The following ROBO2 variants were observed in gnomAD, a reference collection of about 807,000 sequenced individuals.
ROBO2 encodes roundabout guidance receptor 2.
ROBO2 carries 53 observed loss-of-function variants against 160.8 expected under a neutral mutation model. The ratio of observed to expected loss-of-function variants is 0.33; its 90% CI spans 0.26 to 0.41. The LOEUF is 0.41. Among genes scored for constraint, ROBO2 ranks in the 10% least tolerant of loss-of-function variants. The probability of loss-of-function intolerance (pLI) is 1.00; values close to 1 mark genes in which losing one functional copy is unlikely to be tolerated. For synonymous variants in ROBO2, 664 were observed against 611.7 expected (o/e 1.09, Z -1.26); for missense variants, 1,577 against 1,722.4 (o/e 0.92, Z 1.49).
intron 2 of ROBO2, among the ~76,000 whole-genome samples, chr3:76,121,751 G>T (rs970634451): frequency 6.6e-6 from 1 of 152,000 alleles, no homozygotes; most frequent in African/African-American, 2.4e-5. Context: ...GCCATACTTC[G>T]CTCTGTGATG....
chr3:76,447,218 A>G (rs1316733164), intron 2 of ROBO2, among the ~76,000 whole-genome samples: 2 of 152,230 alleles, frequency 1.3e-5, no homozygotes, highest in African/African-American at 2.4e-5. Flanking sequence ...AACCCCATCA[A>G]AAAGCGGGTG....
chr3:77,125,500 T>A lies in ROBO2; in HGVS notation c.388+27160T>A, dbSNP rs187802342. On this transcript the variant is annotated intron_variant, in intron 2 of 25. Coordinates refer to ENST00000461745, the Ensembl canonical transcript of ROBO2. ...GGGGTCAAGGTCTCTATCATTTGTT[T>A]CACTGATAGGCACACAATATTCTTT... 3.5e-3 allele frequency among the ~76,000 whole-genome samples: 531 copies of A among 152,330 alleles called. 2 individuals carry two copies. The highest frequency in any genetic ancestry group is 5.9e-3 in the Non-Finnish European group (402 of 68,028).
chr3:76,800,485 A>G (rs1386780756), intron 2 of ROBO2, among the ~76,000 whole-genome samples: 1 of 152,226 alleles, frequency 6.6e-6, no homozygotes, highest in Non-Finnish European at 1.5e-5. Flanking sequence ...ACAAGGGATT[A>G]ATAACCAGAA....
At chr3:77,350,905 A>G (rs74688683) in intron 2 of ROBO2, among the ~76,000 whole-genome samples, 1,664 of 152,304 alleles carry the variant, frequency 0.011, 16 homozygotes, top group Middle Eastern at 0.017. Context: ...CAGCCAGAGA[A>G]CTAAACACAC....
chr3:77,321,887 A>C (rs902553595), intron 2 of ROBO2, among the ~76,000 whole-genome samples: 4 of 152,168 alleles, frequency 2.6e-5, no homozygotes, highest in African/African-American at 9.7e-5. Context: ...GGATGAAAGG[A>C]CAGTTAAGTA....
intron 2 of ROBO2, among the ~76,000 whole-genome samples, chr3:77,005,101 G>T (rs112330296): frequency 3.9e-5 from 6 of 152,154 alleles, no homozygotes. Context: ...CGCTTGGCAG[G>T]CTTTTCCCTT....
chr3:76,413,157 G>A (rs534790711), intron 2 of ROBO2, among the ~76,000 whole-genome samples: 7 of 152,284 alleles, frequency 4.6e-5, no homozygotes, highest in South Asian at 2.1e-4. Flanking sequence ...CACTGAGTCC[G>A]TAGGCTGCAC....
rs2075664332 is a variant in ROBO2 at position 76,363,868 on chromosome 3, A to G, written c.109+426266A>G. 2.0e-5 allele frequency among the ~76,000 whole-genome samples: 3 copies of G among 151,762 alleles called. No individual in the cohort carries two copies. The South Asian group carries it at 6.2e-4, about 31-fold the overall frequency. On this transcript the variant is annotated intron_variant, in intron 2 of 26. Coordinates refer to the ROBO2 transcript ENST00000487694. ...ATCCAACACTCTCTTTAAATTTCTT[A>G]ATCTGGGACATCCTTGACTTTTACT... is the stretch of plus-strand genomic sequence containing the variant.
intron 2 of ROBO2, among the ~76,000 whole-genome samples, chr3:76,088,146 G>A (rs1412118173): frequency 1.3e-5 from 2 of 151,990 alleles, no homozygotes; most frequent in Non-Finnish European, 2.9e-5. Context: ...ATTACATAAT[G>A]CTAAAGGGTC....
At chr3:76,907,313 A>G (rs2075670842) in intron 2 of ROBO2, among the ~76,000 whole-genome samples, 1 of 152,196 alleles carries the variant, frequency 6.6e-6, no homozygotes, top group Non-Finnish European at 1.5e-5. Flanking sequence ...AGTTAATTGG[A>G]TGCCTTTCCT....
intron 2 of ROBO2, among the ~76,000 whole-genome samples, chr3:76,104,039 TGA>T (rs1401512849): frequency 6.6e-6 from 1 of 152,150 alleles, no homozygotes; most frequent in African/African-American, 2.4e-5. Flanking sequence ...GCCTTAGACA[TGA>T]GAGGAATATA....
chr3:77,308,577 A>C (rs1018875779), intron 2 of ROBO2, among the ~76,000 whole-genome samples: 3 of 152,148 alleles, frequency 2.0e-5, no homozygotes, highest in Non-Finnish European at 2.9e-5. Context: ...TATATGTTGA[A>C]AAATTTAAAT....
Position 77,219,366 on chromosome 3 carries a change from C to A in ROBO2, c.388+121026C>A, listed in dbSNP as rs72893233. 7.2e-3 allele frequency among the ~76,000 whole-genome samples: 1,069 copies of A among 148,658 alleles called. 12 individuals carry two copies. The highest frequency in any genetic ancestry group is 0.024 in the African/African-American group (980 of 40,518). On this transcript the variant is annotated intron_variant, in intron 2 of 25. Coordinates refer to ENST00000461745, the Ensembl canonical transcript of ROBO2. ...TGCAATTTGGTTAAATGATTATAAC[C>A]AAACTTATTAAGCTTTATTTTATGT...
intron 2 of ROBO2, among the ~76,000 whole-genome samples, chr3:76,590,594 A>C (rs943829106): frequency 1.3e-5 from 2 of 152,156 alleles, no homozygotes; most frequent in Non-Finnish European, 2.9e-5. Context: ...AAAGGATATA[A>C]ATTTTTGGTG....
rs562858937 is a variant in ROBO2, at chr3:76,490,309, T to G, written c.109+552707T>G. Reference sequence around the variant, plus strand: ...GATTGTATGACAGTAATGATTCAATTGCAGATCAATGTTGAACATTTTTGG... The same window carrying G: ...GATTGTATGACAGTAATGATTCAATGGCAGATCAATGTTGAACATTTTTGG... On this transcript the variant is annotated intron_variant, in intron 2 of 26. Coordinates refer to the ROBO2 transcript ENST00000487694. Among the ~76,000 whole-genome samples, 5 of 152,316 alleles carry G rather than the reference T, an allele frequency of 3.3e-5. No homozygotes were observed. The East Asian group carries it at 9.7e-4, about 29-fold the overall frequency.
At chr3:75,934,468 C>T (rs1576198501) in intron 1 of ROBO2, among the ~76,000 whole-genome samples, 1 of 152,122 alleles carries the variant, frequency 6.6e-6, no homozygotes, top group Non-Finnish European at 1.5e-5. Context: ...ATGCTTCTTA[C>T]AAATTACTTG....
chr3:77,562,629 C>G (rs374191838), intron 9 of ROBO2, 22 bp from the exon 11 acceptor site: 3 of 1,562,880 alleles, frequency 1.9e-6, no homozygotes, highest in East Asian at 4.5e-5. Context: ...CAATTTAATT[C>G]TCTCCCTTCT....
rs2070071984 is a variant in ROBO2 at position 77,090,575 on chromosome 3, C to G, written c.62-7439C>G. Among the ~76,000 whole-genome samples, 3 of 151,846 alleles carry G rather than the reference C, an allele frequency of 2.0e-5. No homozygotes were observed. The South Asian group carries it at 6.2e-4, about 32-fold the overall frequency. On this transcript the variant is annotated intron_variant, in intron 1 of 25. Coordinates refer to ENST00000461745, the Ensembl canonical transcript of ROBO2. Reference sequence around the variant, plus strand: ...TTCACCGTGTTAGCCAGGATGGTCTCGATCTCCTGACCTCGTGATCTGCCC... The same window carrying G: ...TTCACCGTGTTAGCCAGGATGGTCTGGATCTCCTGACCTCGTGATCTGCCC...
chr3:76,912,955 A>T (rs559801767), intron 2 of ROBO2, among the ~76,000 whole-genome samples: 125 of 145,906 alleles, frequency 8.6e-4, no homozygotes, highest in Middle Eastern at 3.5e-3. Flanking sequence ...GAGGGAGTTT[A>T]AAAAAAAAAA....
Sources: allele counts gnomAD v4.1 joint callset (sites outside exome capture counted in the v4.1 genomes callset), GRCh38; gene constraint gnomAD v4.1.1; transcripts MANE v1.5; gene names NCBI Gene and HGNC (gene_info 2026-07-23, HGNC 2026-07-21).